The following MAPK10 variants were observed in gnomAD, a reference collection of about 807,000 sequenced individuals.
The protein encoded by MAPK10 is mitogen-activated protein kinase 10.
In MAPK10, 25 loss-of-function variants were observed where a neutral mutation model predicts 59.3. The observed-to-expected ratio is 0.42, with a 90% confidence interval of 0.31 to 0.59. The LOEUF is 0.59. Among genes scored for constraint, MAPK10 ranks in the 20% least tolerant of loss-of-function variants. The pLI, the probability that MAPK10 is intolerant of heterozygous loss-of-function variation, is 0.15. For missense variants in MAPK10, 351 were observed against 568.9 expected (o/e 0.62, Z 3.90); for synonymous variants, 190 against 200.5 (o/e 0.95, Z 0.44).
At chr4:86,264,503 T>C (rs565673713) in intron 2 of MAPK10, among the ~76,000 whole-genome samples, 1 of 152,308 alleles carries the variant, frequency 6.6e-6, no homozygotes, top group African/African-American at 2.4e-5. Context: ...AGGTTGTGAG[T>C]TGCAATTTGT....
rs79538888 is a variant in MAPK10 at position 86,569,615 on chromosome 4, A to G, written c.-263+24295T>C. Among the ~76,000 whole-genome samples, 26 of 152,314 alleles carry G rather than the reference A, an allele frequency of 1.7e-4. No individual in the cohort carries two copies. In the East Asian group the frequency reaches 3.5e-3, roughly 20 times the overall value. Reference sequence around the variant, plus strand: ...ATTATATATACCATGAAATATGCTCAGCTATAAAAAGGAATAAAACCATGT... The same window carrying G: ...ATTATATATACCATGAAATATGCTCGGCTATAAAAAGGAATAAAACCATGT... On this transcript the variant is annotated intron_variant, in intron 1 of 4. Coordinates refer to the MAPK10 transcript ENST00000502302.
chr4:86,115,024 C>T (rs968893986), intron 4 of MAPK10, among the ~76,000 whole-genome samples: 2 of 152,244 alleles, frequency 1.3e-5, no homozygotes, highest in Non-Finnish European at 2.9e-5. Flanking sequence ...CTGACACCAG[C>T]AGCGTAAAAT....
At chr4:86,413,749 C>T (rs1047001154) in intron 1 of MAPK10, among the ~76,000 whole-genome samples, 4 of 152,170 alleles carry the variant, frequency 2.6e-5, no homozygotes, top group Non-Finnish European at 5.9e-5. Flanking sequence ...TCTCCTGGTC[C>T]GCCAGTCACT....
At chr4:86,255,107 GAA>G (rs1050678983) in intron 2 of MAPK10, among the ~76,000 whole-genome samples, 1 of 152,004 alleles carries the variant, frequency 6.6e-6, no homozygotes, top group Admixed American at 6.6e-5. Context: ...AGAAAAAAAA[GAA>G]GAGACTAAAT....
chr4:86,370,954 C>T (rs922413021), intron 1 of MAPK10: 5 of 152,094 alleles, frequency 3.3e-5, no homozygotes, highest in African/African-American at 7.2e-5. Context: ...TTAAAAGTGA[C>T]GGAAAACATA....
intron 10 of MAPK10, among the ~76,000 whole-genome samples, chr4:86,067,495 AC>A (rs987534799): frequency 4.6e-5 from 7 of 152,214 alleles, no homozygotes; most frequent in Admixed American, 4.6e-4. Context: ...CTTTGTAGGA[AC>A]GATCTTTGAA....
At chr4:86,023,121 G>A (rs1748199542) in intron 13 of MAPK10, among the ~76,000 whole-genome samples, 1 of 152,084 alleles carries the variant, frequency 6.6e-6, no homozygotes, top group Non-Finnish European at 1.5e-5. Context: ...TTTTGTATAT[G>A]ATATGAGGCA....
At chr4:86,192,465 C>G (rs2080163549) in intron 3 of MAPK10, 1 of 151,020 alleles carries the variant, frequency 6.6e-6, no homozygotes. Context: ...AGGCTTTGTT[C>G]ATTCTTTTTC....
At chr4:86,403,124 G>A (rs1743930050) in intron 1 of MAPK10, among the ~76,000 whole-genome samples, 2 of 152,172 alleles carry the variant, frequency 1.3e-5, no homozygotes, top group South Asian at 4.1e-4. Context: ...TCAGAAACAA[G>A]AGATAGTGAT....
At chr4:86,198,304 C>G (rs1296668529) in intron 2 of MAPK10, among the ~76,000 whole-genome samples, 1 of 152,032 alleles carries the variant, frequency 6.6e-6, no homozygotes, top group African/African-American at 2.4e-5. Context: ...TTTGGGTTCC[C>G]TTAGCTTGAG....
intron 9 of MAPK10, among the ~76,000 whole-genome samples, chr4:86,086,953 T>C (rs2052014485): frequency 6.6e-6 from 1 of 152,146 alleles, no homozygotes; most frequent in Non-Finnish European, 1.5e-5. Flanking sequence ...ATGATTCCTA[T>C]TTGTCCTCCA....
intron 1 of MAPK10, among the ~76,000 whole-genome samples, chr4:86,592,884 T>C (rs1237916613): frequency 1.3e-5 from 2 of 152,328 alleles, no homozygotes; most frequent in South Asian, 2.1e-4. Context: ...TACTCAAAGT[T>C]TGGCTGCACA....
At chr4:86,470,528 T>C (rs560008398) in intron 1 of MAPK10, among the ~76,000 whole-genome samples, 21 of 152,334 alleles carry the variant, frequency 1.4e-4, no homozygotes, top group Non-Finnish European at 2.8e-4. Flanking sequence ...CTTATTTTAA[T>C]ATTTACCTAT....
chr4:86,450,895 G>C (rs1750619859), intron 1 of MAPK10, among the ~76,000 whole-genome samples: 1 of 152,152 alleles, frequency 6.6e-6, no homozygotes, highest in Admixed American at 6.5e-5. Context: ...TCCATTAAAA[G>C]TTATTTTCTT....
At chr4:86,172,565 G>A (rs564279419) in intron 3 of MAPK10, among the ~76,000 whole-genome samples, 34 of 150,398 alleles carry the variant, frequency 2.3e-4, no homozygotes, top group African/African-American at 7.4e-4. Context: ...CACACTCTGC[G>A]GACTGTTGTG....
At chr4:86,422,297 G>A (rs1746633444) in intron 1 of MAPK10, among the ~76,000 whole-genome samples, 1 of 152,188 alleles carries the variant, frequency 6.6e-6, no homozygotes, top group African/African-American at 2.4e-5. Flanking sequence ...AATGAATGAA[G>A]TGTTAGGGAC....
At chr4:86,192,442 C>T (rs953045257) in intron 3 of MAPK10, 3 of 152,058 alleles carry the variant, frequency 2.0e-5, no homozygotes, top group Non-Finnish European at 2.9e-5. Context: ...TCACATAGTC[C>T]TATATTTCTT....
chr4:86,031,356 T>C lies in MAPK10; in HGVS notation c.1174+12A>G, dbSNP rs1188892310. 3 of 1,575,394 alleles carry C rather than the reference T, an allele frequency of 1.9e-6. No individual in the cohort carries two copies. Among genetic ancestry groups the C allele is most frequent in the African/African-American group, 1.3e-5 (1 of 74,076 alleles). ...AAAATAAAAAGTATACTTTTTTAAG[T>C]AGTAGACTTACCTTTCCATTCTTCA... On this transcript the variant is annotated intron_variant, in intron 12 of 13. Coordinates refer to ENST00000641462, the MANE Select transcript of MAPK10 (RefSeq NM_138982.4).
intron 9 of MAPK10, among the ~76,000 whole-genome samples, chr4:86,077,955 G>C (rs1232592981): frequency 6.6e-6 from 1 of 152,128 alleles, no homozygotes. Flanking sequence ...GGAAATTGAA[G>C]CACATATGCC....
Sources: gnomAD v4.1 joint callset for allele counts (sites outside exome capture counted in the v4.1 genomes callset) on GRCh38, gnomAD v4.1.1 for gene constraint, MANE v1.5 for transcripts, NCBI Gene and HGNC (gene_info 2026-07-23, HGNC 2026-07-21) for gene names.